The following BECN1 variants were observed in gnomAD, a reference collection of about 807,000 sequenced individuals.
The protein encoded by BECN1 is beclin-1.
A neutral mutation model predicts 60.1 loss-of-function variants in BECN1; 15 were observed. The ratio of observed to expected loss-of-function variants is 0.25; its 90% CI spans 0.17 to 0.38. The LOEUF is 0.38. Among genes scored for constraint, BECN1 ranks in the 10% least tolerant of loss-of-function variants. BECN1 has a pLI of 1.00. For missense variants in BECN1, 424 were observed against 548.2 expected (o/e 0.77, Z 2.26); for synonymous variants, 179 against 201.8 (o/e 0.89, Z 0.96).
rs1401339922 is a variant in BECN1, at chr17:42,818,814, G to A, written c.324C>T (p.Thr108=). The part of the protein sequence containing the change: ...TLIGEASDGG[T]MENLSRRLKV... ...TCAGTCTTCGGCTGAGGTTCTCCAT[G>A]GTGCCGCCATCAGATGCCTCCCCAA... Residue 108 remains threonine, a synonymous_variant, in exon 5 of 12, where the codon ACC becomes ACT. Transcript: ENST00000590099. 7 of 1,614,122 alleles carry A rather than the reference G, an allele frequency of 4.3e-6. No individual in the cohort carries two copies. The highest frequency in any genetic ancestry group is 4.2e-6 in the Non-Finnish European group (5 of 1,180,014).
chr17:42,823,377 C>T (rs1370315069), intron 2 of BECN1, among the ~76,000 whole-genome samples: 2 of 152,158 alleles, frequency 1.3e-5, no homozygotes, highest in Non-Finnish European at 2.9e-5. Context: ...GCCTCAACCT[C>T]CCGAGTAGCT....
At chr17:42,824,026 G>C in intron 1 of BECN1, 129 bp downstream of exon 1, 2 of 1,057,352 alleles carry the variant, frequency 1.9e-6, no homozygotes, top group South Asian at 1.8e-5. Flanking sequence ...ATACGGGGAG[G>C]ACCTGCTTCC....
At chr17:42,819,113 A>T in intron 4 of BECN1, 1 of 547,406 alleles carries the variant, frequency 1.8e-6, no homozygotes, top group Non-Finnish European at 3.2e-6. Flanking sequence ...AGGGAGAGGG[A>T]GCATAAAAAA....
At chr17:42,813,898 A>G (rs756294083) in intron 10 of BECN1, 50 bp downstream of exon 10, 21 of 1,334,170 alleles carry the variant, frequency 1.6e-5, no homozygotes, top group Non-Finnish European at 2.1e-5. Context: ...CATTTTCTTA[A>G]GAGATATAAG....
At chr17:42,817,168 G>A (rs777020217) in intron 7 of BECN1, among the ~76,000 whole-genome samples, 8 of 151,698 alleles carry the variant, frequency 5.3e-5, no homozygotes, top group Admixed American at 1.3e-4. Flanking sequence ...GGTGTTGCGC[G>A]CCTGTAGTTC....
At chr17:42,811,058 G>A in intron 11 of BECN1, 130 bp from the exon 12 acceptor site, 6 of 1,030,826 alleles carry the variant, frequency 5.8e-6, no homozygotes, top group Non-Finnish European at 8.0e-6. Flanking sequence ...GAATGATAGT[G>A]TATTTTGGAT....
At position 42,814,018 on chromosome 17, in the gene BECN1, A is replaced by G; in HGVS notation, c.981-10T>C. 3 of 1,579,688 alleles carry G rather than the reference A, an allele frequency of 1.9e-6. No homozygotes were observed. The highest frequency in any genetic ancestry group is 2.3e-5 in the South Asian group (2 of 88,518). On this transcript the variant is annotated splice_polypyrimidine_tract_variant and intron_variant, in intron 9 of 11. Transcript: ENST00000590099. The stretch of plus-strand genomic sequence containing the variant: ...AGGAACAAGTCGGTATCTAAAATAG[A>G]GATACAAACAGAGATGGATACAGGA...
intron 4 of BECN1, chr17:42,819,249 T>A: frequency 2.2e-6 from 1 of 464,300 alleles, no homozygotes; most frequent in South Asian, 4.1e-5. Context: ...TCTAACAACA[T>A]TTGCTAGTTT....
At chr17:42,815,802 A>C (rs748123101) in intron 8 of BECN1, 106 bp downstream of exon 8, 3 of 1,440,970 alleles carry the variant, frequency 2.1e-6, no homozygotes, top group Non-Finnish European at 2.9e-6. Context: ...AGTTGGGTGA[A>C]GATAACCTAC....
chr17:42,820,889 G>A, intron 2 of BECN1, 48 bp from the exon 3 acceptor site: 1 of 1,482,558 alleles, frequency 6.7e-7, no homozygotes, highest in Non-Finnish European at 9.3e-7. Flanking sequence ...ATTAAAGCAG[G>A]AGGGCATCTG....
chr17:42,814,775 T>C, intron 8 of BECN1, 102 bp from the exon 9 acceptor site: 1 of 1,418,406 alleles, frequency 7.1e-7, no homozygotes, highest in Non-Finnish European at 9.6e-7. Context: ...TATCTTCAAG[T>C]CCATATATGC....
rs891298113 is a variant in BECN1, at chr17:42,816,186, T to A, written c.684-132A>T. The A allele has an allele frequency of 1.9e-5, 19 of 993,872 alleles. No homozygotes were observed. In the Admixed American group the frequency reaches 3.0e-4, roughly 16 times the overall value. 61.6% of individuals were successfully genotyped at this position (993,872 alleles called of 1,614,324 possible). On this transcript the variant is annotated intron_variant, in intron 7 of 11. Coordinates refer to ENST00000590099, the MANE Select transcript of BECN1 (RefSeq NM_001313998.2). ...TCGCATCTTTTATATTTGGCATAGA[T>A]CCCATTCTGAGGAACATGTATGTCC...
At chr17:42,817,300 A>G (rs1406370799) in intron 7 of BECN1, among the ~76,000 whole-genome samples, 1 of 152,044 alleles carries the variant, frequency 6.6e-6, no homozygotes, top group Non-Finnish European at 1.5e-5. Context: ...GTTTCTAAAA[A>G]AAAAAAAAAC....
chr17:42,817,059 C>T (rs2055161889), intron 7 of BECN1, among the ~76,000 whole-genome samples: 2 of 152,008 alleles, frequency 1.3e-5, no homozygotes, highest in African/African-American at 4.8e-5. Context: ...CTTTGGGAGG[C>T]TGAGGCAGGT....
intron 7 of BECN1, among the ~76,000 whole-genome samples, chr17:42,816,722 G>A (rs181990186): frequency 4.0e-5 from 6 of 151,624 alleles, no homozygotes; most frequent in Admixed American, 1.3e-4. Flanking sequence ...TGTAATCCCA[G>A]CACTTTGGGA....
intron 1 of BECN1, 117 bp downstream of exon 1, chr17:42,824,038 G>C: frequency 1.0e-6 from 1 of 956,078 alleles, no homozygotes; most frequent in Non-Finnish European, 1.5e-6. Context: ...CCTGCTTCCG[G>C]GACAGCCTGA....
In BECN1 at chr17:42,810,942, G is replaced by A. The variant is rs1186450975; in HGVS notation, c.1185-14C>T. The A allele has an allele frequency of 6.4e-7, 1 of 1,569,950 alleles. No homozygotes were observed. Among genetic ancestry groups the A allele is most frequent in the Non-Finnish European group, 8.6e-7 (1 of 1,158,108 alleles). The stretch of plus-strand genomic sequence containing the variant: ...TCCACATCCATCCTGCAGATGGACA[G>A]AGCAAAACTCATTAGTAACTGAGAT... On this transcript the variant is annotated splice_polypyrimidine_tract_variant and intron_variant, in intron 11 of 11. Coordinates refer to ENST00000590099, the MANE Select transcript of BECN1 (RefSeq NM_001313998.2).
chr17:42,824,036 C>A, intron 1 of BECN1, 119 bp downstream of exon 1: 1 of 960,046 alleles, frequency 1.0e-6, no homozygotes, highest in Non-Finnish European at 1.5e-6. Context: ...GACCTGCTTC[C>A]GGGACAGCCT....
At chr17:42,816,583 C>T (rs535030066) in intron 7 of BECN1, among the ~76,000 whole-genome samples, 12 of 143,598 alleles carry the variant, frequency 8.4e-5, no homozygotes, top group Non-Finnish European at 1.5e-4. Flanking sequence ...ACCCAGGAGG[C>T]AGAGGTTGCA....
Sources: gnomAD v4.1 joint callset for allele counts (sites outside exome capture counted in the v4.1 genomes callset) on GRCh38, gnomAD v4.1.1 for gene constraint, MANE v1.5 for transcripts, NCBI Gene and HGNC (gene_info 2026-07-23, HGNC 2026-07-21) for gene names.